The following RBL1 variants were observed in gnomAD, a reference collection of about 807,000 sequenced individuals.
RBL1 encodes retinoblastoma-like protein 1.
In RBL1, 82 loss-of-function variants were observed where a neutral mutation model predicts 123.0. The observed-to-expected ratio is 0.67, with a 90% CI of 0.56 to 0.80. RBL1 has a LOEUF of 0.80. RBL1 is among the 30% of genes least tolerant of loss of function. RBL1 has a pLI of 0.00. For synonymous variants in RBL1, 405 were observed against 441.3 expected, an observed-to-expected ratio of 0.92 and a Z score of 1.03; for missense variants, 1,171 against 1,299.6, an observed-to-expected ratio of 0.90 and a Z score of 1.52.
chr20:37,090,717 G>C (rs2065633471), intron 1 of RBL1, among the ~76,000 whole-genome samples: 1 of 152,094 alleles, frequency 6.6e-6, no homozygotes, highest in African/African-American at 2.4e-5. Flanking sequence ...ACTAAACCTA[G>C]GCTATATGGT....
intron 21 of RBL1, among the ~76,000 whole-genome samples, chr20:37,002,128 G>A (rs1260997142): frequency 6.6e-6 from 1 of 151,948 alleles, no homozygotes; most frequent in African/African-American, 2.4e-5. Context: ...TGCCTCCTGG[G>A]CTCAAGCTAT....
intron 18 of RBL1, among the ~76,000 whole-genome samples, chr20:37,019,189 G>A (rs1055425439): frequency 6.6e-6 from 1 of 151,992 alleles, no homozygotes; most frequent in Non-Finnish European, 1.5e-5. Context: ...GATTACAGGC[G>A]TGAGCCACTG....
chr20:37,020,702 T>G lies in RBL1; in HGVS notation c.2588A>C (p.Glu863Ala). The G allele has an allele frequency of 6.3e-7, 1 of 1,588,720 alleles. No individual in the cohort carries two copies. The highest frequency in any genetic ancestry group is 8.6e-7 in the Non-Finnish European group (1 of 1,164,892). ...KVTKEERTFQ[E>A]IMKSYRNQPQ... ...CTGATTCCTATAACTTTTCATAATTTCTTGAAAAGTTCTTTCTTCTTTTGT... is the reference window on the plus strand; with the variant it reads ...CTGATTCCTATAACTTTTCATAATTGCTTGAAAAGTTCTTTCTTCTTTTGT... Residue 863 changes from glutamate (E) to alanine (A), a missense_variant, in exon 18 of 22, where the codon GAA (glutamate) becomes GCA (alanine). Transcript: ENST00000373664.
rs2065040143 is a variant in RBL1, at chr20:37,058,129, A to AAAG, written c.1251-1872_1251-1871insCTT. 1.4e-5 allele frequency among the ~76,000 whole-genome samples: 2 copies of AAAG among 142,224 alleles called. 1 individual carries two copies. The allele number at this position is 142,224 out of a possible 152,430, so 93.3% of individuals were successfully genotyped here. A position where few individuals can be genotyped will look rare whatever the true frequency, so the allele number is the denominator to read the frequency against. On this transcript the variant is annotated intron_variant, in intron 9 of 21. Transcript: ENST00000373664. Reference sequence around the variant, plus strand: ...GAAACTCTGTCTAAAAAAAAAAAAAACAAAACAAAACAAAAAAAAAAAAGC... The same window carrying AAAG: ...GAAACTCTGTCTAAAAAAAAAAAAAAAAGCAAAACAAAACAAAAAAAAAAAAGC...
chr20:37,035,097 TA>T, intron 15 of RBL1, 144 bp downstream of exon 15: 2 of 819,880 alleles, frequency 2.4e-6, no homozygotes, highest in Non-Finnish European at 3.6e-6. Flanking sequence ...ACAACTGCTC[TA>T]AAAAATTCAA....
chr20:37,029,356 G>A (rs2064470484), intron 16 of RBL1, among the ~76,000 whole-genome samples: 1 of 151,968 alleles, frequency 6.6e-6, no homozygotes, highest in Non-Finnish European at 1.5e-5. Context: ...ATATACACAG[G>A]TTTCACATCC....
intron 20 of RBL1, among the ~76,000 whole-genome samples, chr20:37,004,611 G>T (rs2064039819): frequency 6.7e-6 from 1 of 150,272 alleles, no homozygotes; most frequent in Admixed American, 6.6e-5. Context: ...TATTTGGGAG[G>T]CTGAGGCACT....
At chr20:37,027,309 A>G (rs1175746279) in intron 16 of RBL1, among the ~76,000 whole-genome samples, 1 of 152,156 alleles carries the variant, frequency 6.6e-6, no homozygotes, top group Non-Finnish European at 1.5e-5. Context: ...TATGCACTCT[A>G]GTCTGGGCGA....
At chr20:37,049,398 C>A (rs1161931657) in intron 11 of RBL1, 1 of 731,996 alleles carries the variant, frequency 1.4e-6, no homozygotes, top group East Asian at 2.5e-5. Flanking sequence ...TGCTGGCAAG[C>A]AACTGGAAGA....
chr20:37,045,631 T>C (rs1175674782), intron 12 of RBL1, among the ~76,000 whole-genome samples: 10 of 152,052 alleles, frequency 6.6e-5, no homozygotes, highest in Admixed American at 6.6e-4. Context: ...AATAAGGATG[T>C]TATAAATAAA....
chr20:37,002,999 C>A (rs780458092), intron 21 of RBL1, among the ~76,000 whole-genome samples: 368 of 152,324 alleles, frequency 2.4e-3, no homozygotes, highest in Non-Finnish European at 3.8e-3. Context: ...GCTAGGATTA[C>A]AGGCTTGAGT....
chr20:37,069,048 C>T (rs554170940), intron 2 of RBL1, among the ~76,000 whole-genome samples: 83 of 152,384 alleles, frequency 5.4e-4, no homozygotes, highest in Middle Eastern at 3.4e-3. Context: ...CTGTGTTGGC[C>T]AGGCCGGTCT....
chr20:37,037,679 T>C (rs937399914), intron 14 of RBL1, among the ~76,000 whole-genome samples: 2 of 151,208 alleles, frequency 1.3e-5, no homozygotes, highest in Non-Finnish European at 2.9e-5. Context: ...TATGCAATCT[T>C]GTTTTTTTTT....
At chr20:37,093,614 T>C (rs2065682611) in intron 1 of RBL1, among the ~76,000 whole-genome samples, 1 of 151,476 alleles carries the variant, frequency 6.6e-6, no homozygotes, top group South Asian at 2.1e-4. Flanking sequence ...ATTCCAGGCC[T>C]GGTCAAAAGA....
rs150567397 is a variant in RBL1 at position 37,027,751 on chromosome 20, T to C, written c.2382+4914A>G. Among the ~76,000 whole-genome samples the C allele has an allele frequency of 5.4e-3, 823 of 152,286 alleles. 8 individuals are homozygous for C. The highest frequency in any genetic ancestry group is 0.019 in the African/African-American group (780 of 41,558). On this transcript the variant is annotated intron_variant, in intron 16 of 21. Transcript: ENST00000373664. ...TTTAAAGGGTAACACATTAGATTTA[T>C]TTTATTTATTTTTGAGTTTTGGAGA...
chr20:37,035,936 A>G (rs1388072062), intron 14 of RBL1, among the ~76,000 whole-genome samples: 7 of 152,224 alleles, frequency 4.6e-5, no homozygotes, highest in Non-Finnish European at 2.9e-5. Context: ...TTGCACTCCA[A>G]GCAGTTTAAG....
rs551639646 is a variant in RBL1, at chr20:37,057,425, C to T, written c.1251-1167G>A. Among the ~76,000 whole-genome samples the T allele has an allele frequency of 9.3e-4, 142 of 152,146 alleles. 1 individual carries two copies. Among genetic ancestry groups the T allele is most frequent in the African/African-American group, 3.4e-3 (141 of 41,510 alleles). On this transcript the variant is annotated intron_variant, in intron 9 of 21. Transcript: ENST00000373664. Reference sequence around the variant, plus strand: ...GCTATGCTGATATGTGAGGTATTATCTCATTGTGATTTTGATTTGTAACTC... The same window carrying T: ...GCTATGCTGATATGTGAGGTATTATTTCATTGTGATTTTGATTTGTAACTC...
intron 2 of RBL1, among the ~76,000 whole-genome samples, chr20:37,083,427 A>C (rs553998971): frequency 1.6e-4 from 24 of 151,524 alleles, no homozygotes; most frequent in African/African-American, 5.6e-4. Context: ...AGAGATCGCG[A>C]CAATGCACTC....
chr20:37,018,137 A>T, intron 19 of RBL1, 142 bp downstream of exon 19: 2 of 991,896 alleles, frequency 2.0e-6, no homozygotes, highest in Non-Finnish European at 2.7e-6. Flanking sequence ...TTCTAATCTC[A>T]AACTTATTTG....
Sources: allele counts gnomAD v4.1 joint callset (sites outside exome capture counted in the v4.1 genomes callset), GRCh38; gene constraint gnomAD v4.1.1; transcripts MANE v1.5; gene names NCBI Gene and HGNC (gene_info 2026-07-23, HGNC 2026-07-21).